The following SLC44A2 variants were observed in gnomAD, a reference collection of about 807,000 sequenced individuals.
SLC44A2 encodes solute carrier family 44 member 2 (CTL2 blood group).
A neutral mutation model predicts 90.8 loss-of-function variants in SLC44A2; 57 were observed. That is an observed-to-expected ratio of 0.63 (90% CI 0.51 to 0.78). The LOEUF is 0.78. SLC44A2 is among the 30% of genes least tolerant of loss of function. SLC44A2 has a pLI of 0.00. For synonymous variants in SLC44A2, 355 were observed against 360.7 expected, an observed-to-expected ratio of 0.98 and a Z score of 0.18; for missense variants, 794 against 919.7, an observed-to-expected ratio of 0.86 and a Z score of 1.77.
At chr19:10,627,264 T>G (rs934965951) in intron 2 of SLC44A2, among the ~76,000 whole-genome samples, 2 of 149,852 alleles carry the variant, frequency 1.3e-5, no homozygotes, top group African/African-American at 5.0e-5. Flanking sequence ...GAGGTTGCAG[T>G]AAGCTGAGAT....
At chr19:10,619,961 A>C (rs185897645) in intron 1 of SLC44A2, among the ~76,000 whole-genome samples, 1 of 151,960 alleles carries the variant, frequency 6.6e-6, no homozygotes, top group Non-Finnish European at 1.5e-5. Context: ...TCTCAAAAAA[A>C]ATCTGCAAAT....
chr19:10,628,264 A>T (rs1395038254), intron 4 of SLC44A2, among the ~76,000 whole-genome samples: 1 of 152,218 alleles, frequency 6.6e-6, no homozygotes. Flanking sequence ...ACATGCCTGT[A>T]ATCCCAGCTA....
At chr19:10,639,682 T>C (rs1021593374) in intron 20 of SLC44A2, among the ~76,000 whole-genome samples, 2 of 152,178 alleles carry the variant, frequency 1.3e-5, no homozygotes, top group Middle Eastern at 3.4e-3. Context: ...GGTTTGAGAC[T>C]AGCCTTGCCA....
chr19:10,612,097 G>T (rs948537050), intron 1 of SLC44A2, among the ~76,000 whole-genome samples: 4 of 152,106 alleles, frequency 2.6e-5, no homozygotes, highest in African/African-American at 9.7e-5. Context: ...GCCGGGTGTG[G>T]TGGCTCACTC....
chr19:10,617,166 C>G (rs544818299), intron 1 of SLC44A2, among the ~76,000 whole-genome samples: 7 of 50,676 alleles, frequency 1.4e-4, no homozygotes, highest in African/African-American at 5.8e-4. Context: ...GTGATCCGCC[C>G]GCCTGGGGCT....
chr19:10,607,747 A>AT lies in SLC44A2; in HGVS notation c.31+5188dup, dbSNP rs1217193882. Among the ~76,000 whole-genome samples the AT allele has an allele frequency of 4.6e-4, 55 of 118,644 alleles. 1 individual carries two copies. The highest frequency in any genetic ancestry group is 3.5e-3 in the East Asian group (8 of 2,300). The allele number at this position is 118,644 out of a possible 152,430, so 77.8% of individuals were successfully genotyped here. On this transcript the variant is annotated intron_variant, in intron 1 of 21. Coordinates refer to the SLC44A2 transcript ENST00000407327. ...TCCTCAATCATTTATTATTATTATT[A>AT]TTATTTTTTTTTTTTTGAGACGGAG...
intron 1 of SLC44A2, among the ~76,000 whole-genome samples, chr19:10,616,353 C>G (rs960481988): frequency 6.6e-6 from 1 of 151,966 alleles, no homozygotes; most frequent in Non-Finnish European, 1.5e-5. Flanking sequence ...ACCTCAGGCT[C>G]GCAAGTAGCT....
At chr19:10,614,734 G>C (rs1160154858) in intron 1 of SLC44A2, among the ~76,000 whole-genome samples, 6 of 152,082 alleles carry the variant, frequency 3.9e-5, no homozygotes, top group African/African-American at 1.4e-4. Context: ...ACTTTGGGAG[G>C]CTGAGGCGGG....
rs747342512 is a variant in SLC44A2, at chr19:10,631,878, G to A, written c.637G>A (p.Gly213Arg). 6.2e-7 allele frequency: 1 copy of A among 1,614,262 alleles called. No homozygotes were observed. The highest frequency in any genetic ancestry group is 8.5e-7 in the Non-Finnish European group (1 of 1,180,046). ...TCCTCCTTCCCCCAGGAAAGCCAAT[G>A]GAGTCCTAGAGGCGCGGCAACTCGC... is the stretch of plus-strand genomic sequence containing the variant. ...DLVEGAKKAN[G>R]VLEARQLAMR... Residue 213 changes from glycine (G) to arginine (R), a missense_variant, in exon 9 of 22, where the codon GGA (glycine) becomes AGA (arginine). Coordinates refer to ENST00000335757, the MANE Select transcript of SLC44A2 (RefSeq NM_020428.4).
chr19:10,629,276 T>TTATTATTATTATTAC (rs2066967764), intron 4 of SLC44A2, among the ~76,000 whole-genome samples: 1 of 148,448 alleles, frequency 6.7e-6, no homozygotes, highest in Non-Finnish European at 1.5e-5. Flanking sequence ...ATTATTATTA[T>TTATTATTATTATTAC]TATTACTATT....
At chr19:10,617,155 C>T (rs1031817061) in intron 1 of SLC44A2, among the ~76,000 whole-genome samples, 1 of 65,718 alleles carries the variant, frequency 1.5e-5, no homozygotes, top group Non-Finnish European at 3.0e-5. Context: ...CTCCTGACCT[C>T]GTGATCCGCC....
intron 12 of SLC44A2, 25 bp from the exon 13 acceptor site, chr19:10,635,138 C>T (rs776038261): frequency 1.7e-5 from 27 of 1,613,568 alleles, no homozygotes; most frequent in Middle Eastern, 1.6e-4. Flanking sequence ...TTTGCCCTGA[C>T]GCCTGTGTCT....
At position 10,643,418 on chromosome 19, in the gene SLC44A2, C is replaced by T. The variant is rs2067139544; in HGVS notation, c.*33C>T. ...GTGCTCCCCACCTCTCAAGGAGTCT[C>T]ATGCCGCAGGGTGCTCAGTAGCTGG... On this transcript the variant is annotated 3_prime_UTR_variant, in exon 22 of 22. Coordinates refer to ENST00000335757, the MANE Select transcript of SLC44A2 (RefSeq NM_020428.4). The T allele has an allele frequency of 2.5e-6, 4 of 1,588,000 alleles. No homozygotes were observed. Among genetic ancestry groups the T allele is most frequent in the African/African-American group, 1.3e-5 (1 of 74,336 alleles).
At chr19:10,618,077 T>C (rs2066869573) in intron 1 of SLC44A2, among the ~76,000 whole-genome samples, 1 of 152,168 alleles carries the variant, frequency 6.6e-6, no homozygotes, top group South Asian at 2.1e-4. Flanking sequence ...TGATCTCGGC[T>C]CACTGCAACC....
At chr19:10,620,052 G>C (rs2066885493) in intron 1 of SLC44A2, among the ~76,000 whole-genome samples, 1 of 151,928 alleles carries the variant, frequency 6.6e-6, no homozygotes, top group Non-Finnish European at 1.5e-5. Flanking sequence ...ATGGTGTGTG[G>C]GTAGTCCCAG....
intron 1 of SLC44A2, among the ~76,000 whole-genome samples, chr19:10,615,879 G>C (rs2066851082): frequency 6.6e-6 from 1 of 151,756 alleles, no homozygotes; most frequent in Non-Finnish European, 1.5e-5. Context: ...GATGAAATGA[G>C]GCGGGCTGGA....
chr19:10,630,231 G>A (rs2066979228), intron 4 of SLC44A2, among the ~76,000 whole-genome samples: 1 of 152,094 alleles, frequency 6.6e-6, no homozygotes, highest in African/African-American at 2.4e-5. Context: ...CACACCCGTA[G>A]TCTCAGCTGC....
In SLC44A2 at chr19:10,638,018, T is replaced by C. The variant is rs202162961; in HGVS notation, c.1770-5T>C. 1.2e-6 allele frequency: 2 copies of C among 1,614,096 alleles called. No homozygotes were observed. Among genetic ancestry groups the C allele is most frequent in the Admixed American group, 3.3e-5 (2 of 60,006 alleles). On this transcript the variant is annotated splice_polypyrimidine_tract_variant and splice_region_variant and intron_variant, in intron 18 of 21. Coordinates refer to ENST00000335757, the MANE Select transcript of SLC44A2 (RefSeq NM_020428.4). ...TTCACACCTGCCCCTCACTGTCCCCTGCAGAGTGGCTGTCCTGGATAAAGT... is the reference window on the plus strand; with the variant it reads ...TTCACACCTGCCCCTCACTGTCCCCCGCAGAGTGGCTGTCCTGGATAAAGT...
chr19:10,607,629 T>C (rs945581098), intron 1 of SLC44A2, among the ~76,000 whole-genome samples: 1 of 151,830 alleles, frequency 6.6e-6, no homozygotes, highest in Non-Finnish European at 1.5e-5. Flanking sequence ...GTGCTAGGAT[T>C]ATAGGCGTGG....
Sources: gnomAD v4.1 joint callset for allele counts (sites outside exome capture counted in the v4.1 genomes callset) on GRCh38, gnomAD v4.1.1 for gene constraint, MANE v1.5 for transcripts, NCBI Gene and HGNC (gene_info 2026-07-23, HGNC 2026-07-21) for gene names.